RELB: variants seen among roughly 807,000 people sequenced by gnomAD.
RELB encodes the protein transcription factor RelB.
Under a neutral mutation model 55.4 loss-of-function variants are expected in RELB, and 14 were observed. The ratio of observed to expected loss-of-function variants is 0.25; its 90% CI spans 0.17 to 0.40. The LOEUF (loss-of-function observed/expected upper bound fraction) is 0.40. Among genes scored for constraint, RELB ranks in the 10% least tolerant of loss-of-function variants. The pLI is 1.00. For synonymous variants in RELB, 409 were observed against 371.3 expected (o/e 1.10, Z -1.17); for missense variants, 669 against 830.7 (o/e 0.81, Z 2.39).
rs535158659 is a variant in RELB, at chr19:45,037,642, C to T, written c.1592C>T (p.Pro531Leu). The T allele has an allele frequency of 1.3e-6, 2 of 1,599,506 alleles. No individual in the cohort carries two copies. Among genetic ancestry groups the T allele is most frequent in the African/African-American group, 2.7e-5 (2 of 74,122 alleles). Residue 531 changes from proline (P) to leucine (L), a missense_variant, in exon 12 of 12, where the codon CCT becomes CTT. Around this residue, in one of 3 missense-constraint regions of RELB, gnomAD observed 341 missense variants for 436.8 expected, o/e 0.78. Coordinates refer to ENST00000221452, the MANE Select transcript of RELB (RefSeq NM_006509.4). ...GCCGTGGTTGGGGAGACCCCCGGCC[C>T]TGAACCACTGACACTGGACTCGTAC... ...AGAVVGETPGPEPLTLDSYQA... is the reference protein window; with the variant it reads ...AGAVVGETPGLEPLTLDSYQA...
At chr19:45,035,947 C>G (rs1037360922) in intron 11 of RELB, among the ~76,000 whole-genome samples, 1 of 152,210 alleles carries the variant, frequency 6.6e-6, no homozygotes, top group Non-Finnish European at 1.5e-5. Context: ...TGCAAGGTGG[C>G]TGTTGTAGCT....
intron 4 of RELB, among the ~76,000 whole-genome samples, chr19:45,016,379 G>A (rs758090070): frequency 2.2e-4 from 34 of 152,152 alleles, no homozygotes; most frequent in Non-Finnish European, 4.0e-4. Context: ...ATATGTAAAC[G>A]CCCCACAGGA....
At chr19:45,031,855 C>T (rs1298946375) in intron 8 of RELB, among the ~76,000 whole-genome samples, 3 of 151,052 alleles carry the variant, frequency 2.0e-5, no homozygotes, top group Non-Finnish European at 4.4e-5. Context: ...GGATTATGGG[C>T]GTGAGCCACC....
chr19:45,034,304 A>G lies in RELB; in HGVS notation c.1268A>G (p.Asn423Ser). Residue 423 changes from asparagine to serine, a missense_variant, in exon 10 of 12, where the codon AAC becomes AGC. Physicochemically the swap from Asn to Ser is conservative, Grantham distance 46 (BLOSUM62 1). Around this residue, in one of 3 missense-constraint regions of RELB, gnomAD observed 341 missense variants for 436.8 expected, o/e 0.78. Transcript: ENST00000221452. ...ATGCCCGACGTCCTTGGGGAGCTGA[A>G]CAGCTCTGGTGTGTGCCCTCTGCCC... is the stretch of plus-strand genomic sequence containing the variant. ...RGMPDVLGEL[N>S]SSDPHGIESK... The G allele has an allele frequency of 6.2e-7, 1 of 1,613,924 alleles. No homozygotes were observed. Among genetic ancestry groups the G allele is most frequent in the Middle Eastern group, 1.6e-4 (1 of 6,062 alleles).
chr19:45,008,873 G>A (rs1350038080), intron 2 of RELB, among the ~76,000 whole-genome samples: 1 of 152,128 alleles, frequency 6.6e-6, no homozygotes, highest in East Asian at 1.9e-4. Flanking sequence ...ACGGGAGGTC[G>A]GTTTCGATTC....
chr19:45,009,421 A>G (rs937358875), intron 2 of RELB, among the ~76,000 whole-genome samples: 19 of 152,072 alleles, frequency 1.2e-4, no homozygotes, highest in African/African-American at 4.3e-4. Flanking sequence ...GACCTCCAGG[A>G]CCCTGGGGTG....
At position 45,034,703 on chromosome 19, in the gene RELB, C is replaced by T. The variant is rs147028669; in HGVS notation, c.1354+175C>T. ...GGGCTTTGGAGACAGAATGGAAGTT[C>T]TGATCTCTTCTGGGCCATTTCCTTG... On this transcript the variant is annotated intron_variant, in intron 11 of 11. Transcript: ENST00000221452. 4.2e-3 allele frequency among the ~76,000 whole-genome samples: 637 copies of T among 152,248 alleles called. 4 individuals are homozygous for T. Among genetic ancestry groups the T allele is most frequent in the African/African-American group, 0.014 (595 of 41,546 alleles).
Position 45,034,527 on chromosome 19 carries a change from A to T in RELB, c.1353A>T (p.Ser451=). The T allele has an allele frequency of 6.3e-7, 1 of 1,598,032 alleles. No individual in the cohort carries two copies. The highest frequency in any genetic ancestry group is 8.5e-7 in the Non-Finnish European group (1 of 1,172,562). Residue 451 remains serine (S), a splice_region_variant and synonymous_variant, in exon 11 of 12, where the codon TCA becomes TCT. Coordinates refer to ENST00000221452, the MANE Select transcript of RELB (RefSeq NM_006509.4). The part of the protein sequence containing the change: ...ILDHFLPNHG[S]GPFLPPSALL... ...ACCACTTCCTGCCCAACCACGGCTC[A>T]GGTGGGTCCCAGCTACACATAAGCC... is the stretch of plus-strand genomic sequence containing the variant.
Position 45,011,821 on chromosome 19 carries a change from A to T in RELB, c.164-115A>T, listed in dbSNP as rs1285276598. ...GTGAGAGAGAGAGAGAGAGAGAGAG[A>T]GAGAGAGAGAGAGATAAATGGGATG... On this transcript the variant is annotated intron_variant, in intron 3 of 11. Coordinates refer to ENST00000221452, the MANE Select transcript of RELB (RefSeq NM_006509.4). The T allele has an allele frequency of 2.7e-3, 1,047 of 388,378 alleles. 19 individuals carry two copies. The highest frequency in any genetic ancestry group is 0.026 in the African/African-American group (927 of 35,822). The allele number at this position is 388,378 out of a possible 1,614,324, so 24.1% of individuals were successfully genotyped here. A position where few individuals can be genotyped will look rare whatever the true frequency, so the allele number is the denominator to read the frequency against.
intron 4 of RELB, among the ~76,000 whole-genome samples, chr19:45,015,470 C>T (rs1332975898): frequency 6.6e-6 from 1 of 152,066 alleles, no homozygotes; most frequent in Non-Finnish European, 1.5e-5. Flanking sequence ...CATGGTGGCT[C>T]ATGCCTGTGA....
intron 8 of RELB, among the ~76,000 whole-genome samples, chr19:45,030,070 G>A (rs1343266824): frequency 6.6e-6 from 1 of 152,140 alleles, no homozygotes; most frequent in Non-Finnish European, 1.5e-5. Flanking sequence ...GAGAGGCTGA[G>A]GTGGGAGGAT....
chr19:45,020,873 T>C (rs1354337587), intron 4 of RELB, among the ~76,000 whole-genome samples: 1 of 152,086 alleles, frequency 6.6e-6, no homozygotes, highest in Non-Finnish European at 1.5e-5. Context: ...CCCATCTTTA[T>C]AGTCTTCCAT....
intron 8 of RELB, among the ~76,000 whole-genome samples, chr19:45,032,249 A>G (rs1410550582): frequency 6.6e-6 from 1 of 150,380 alleles, no homozygotes; most frequent in East Asian, 2.0e-4. Flanking sequence ...ACACACAAAC[A>G]AAAAAAAACC....
intron 4 of RELB, among the ~76,000 whole-genome samples, chr19:45,014,621 G>A (rs966928875): frequency 4.0e-5 from 6 of 151,362 alleles, no homozygotes; most frequent in Admixed American, 6.6e-5. Context: ...GGGTTCAAGC[G>A]ATTCTCCTGC....
In RELB at chr19:45,012,062, C is replaced by G; in HGVS notation, c.290C>G (p.Pro97Arg). Residue 97 changes from proline to arginine, a missense_variant, in exon 4 of 12, where the codon CCT becomes CGT. Pro to Arg is a moderately radical substitution (Grantham distance 103). Transcript: ENST00000221452. ...TCCCTGAGCACGGTCACCCTGGGCCCTGTGGCGCCCCCAGCCACGCCGCCG... is the reference window on the plus strand; with the variant it reads ...TCCCTGAGCACGGTCACCCTGGGCCGTGTGGCGCCCCCAGCCACGCCGCCG... Reference protein sequence around the residue: ...AASLSTVTLGPVAPPATPPPW... With the variant: ...AASLSTVTLGRVAPPATPPPW... The G allele has an allele frequency of 1.3e-6, 2 of 1,555,464 alleles. No homozygotes were observed. Among genetic ancestry groups the G allele is most frequent in the African/African-American group, 2.8e-5 (2 of 71,188 alleles).
intron 1 of RELB, among the ~76,000 whole-genome samples, chr19:45,002,069 T>G (rs565000498): frequency 9.0e-6 from 1 of 111,138 alleles, no homozygotes; most frequent in African/African-American, 3.5e-5. Context: ...CGGGCCTGAC[T>G]CAAAAAAGGA....
At chr19:45,025,866 A>C in intron 7 of RELB, 129 bp downstream of exon 7, 1 of 1,175,450 alleles carries the variant, frequency 8.5e-7, no homozygotes, top group Middle Eastern at 2.4e-4. Flanking sequence ...TGGGAGGTCG[A>C]GGTGGGAGGA....
chr19:45,003,520 C>T, intron 2 of RELB: 1 of 508,072 alleles, frequency 2.0e-6, no homozygotes, highest in Non-Finnish European at 3.9e-6. Flanking sequence ...TAAATCTTAC[C>T]ACCTATCCAT....
chr19:45,013,061 A>T (rs1971382168), intron 4 of RELB, among the ~76,000 whole-genome samples: 1 of 151,596 alleles, frequency 6.6e-6, no homozygotes, highest in Non-Finnish European at 1.5e-5. Context: ...ATTAAAAAAC[A>T]AACAAATATA....
Sources: allele counts gnomAD v4.1 joint callset (sites outside exome capture counted in the v4.1 genomes callset), GRCh38; gene constraint gnomAD v4.1.1; regional missense constraint gnomAD v4.1.1; transcripts MANE v1.5; gene names NCBI Gene and HGNC (gene_info 2026-07-23, HGNC 2026-07-21).